The following KCNMA1 variants were observed in gnomAD, a reference collection of about 807,000 sequenced individuals.
The protein encoded by KCNMA1 is Calcium-activated potassium channel subunit alpha-1.
A neutral mutation model predicts 140.0 loss-of-function variants in KCNMA1; 29 were observed. The observed-to-expected ratio is 0.21, with a 90% CI of 0.15 to 0.28. KCNMA1 has a LOEUF of 0.28. Among genes scored for constraint, KCNMA1 ranks in the 10% least tolerant of loss-of-function variants. The pLI is 1.00. For missense variants in KCNMA1, 880 were observed against 1,602.2 expected, an observed-to-expected ratio of 0.55 and a Z score of 7.70; for synonymous variants, 612 against 611.9, an observed-to-expected ratio of 1.00 and a Z score of 0.00.
intron 20 of KCNMA1, among the ~76,000 whole-genome samples, chr10:76,956,931 G>A (rs1341283182): frequency 6.6e-6 from 1 of 151,816 alleles, no homozygotes; most frequent in Non-Finnish European, 1.5e-5. Context: ...GTCCATCCTG[G>A]CTAACACGGT....
intron 27 of KCNMA1, chr10:76,887,980 G>A: frequency 5.8e-6 from 1 of 171,636 alleles, no homozygotes; most frequent in South Asian, 1.4e-4. Flanking sequence ...CTACTTTGGT[G>A]AGAGAATTTG....
chr10:77,343,223 A>G (rs897879440), intron 2 of KCNMA1, among the ~76,000 whole-genome samples: 8 of 152,170 alleles, frequency 5.3e-5, no homozygotes, highest in African/African-American at 2.4e-5. Flanking sequence ...ACTGTTGACA[A>G]TGGTAATACC....
Position 77,457,329 on chromosome 10 carries a change from G to A in KCNMA1, c.379-53306C>T, listed in dbSNP as rs567373576. ...CAGGGTGGGGGCAGGCAGAAACCAG[G>A]ACATTTCTCCCTCCTTCTGCATTTG... On this transcript the variant is annotated intron_variant, in intron 1 of 27. Coordinates refer to ENST00000286628, the MANE Select transcript of KCNMA1 (RefSeq NM_001161352.2). 5.9e-5 allele frequency among the ~76,000 whole-genome samples: 9 copies of A among 152,244 alleles called. No homozygotes were observed. The South Asian group carries it at 1.9e-3, about 32-fold the overall frequency.
At chr10:77,516,941 T>A (rs901498738) in intron 1 of KCNMA1, among the ~76,000 whole-genome samples, 2 of 146,412 alleles carry the variant, frequency 1.4e-5, no homozygotes, top group Non-Finnish European at 3.0e-5. Flanking sequence ...TGTCTGTGGA[T>A]GAGGGAGGAA....
intron 2 of KCNMA1, among the ~76,000 whole-genome samples, chr10:77,389,309 C>G (rs2095726187): frequency 6.6e-6 from 1 of 152,196 alleles, no homozygotes; most frequent in Non-Finnish European, 1.5e-5. Context: ...AGTAATGTTT[C>G]CTCGATCCTC....
chr10:77,254,570 G>T (rs1334954210), intron 2 of KCNMA1, among the ~76,000 whole-genome samples: 4 of 152,068 alleles, frequency 2.6e-5, no homozygotes, highest in Non-Finnish European at 4.4e-5. Context: ...TTAATCCCAT[G>T]CTATTATGCA....
At chr10:77,034,186 G>A (rs866843541) in intron 15 of KCNMA1, among the ~76,000 whole-genome samples, 4 of 150,256 alleles carry the variant, frequency 2.7e-5, no homozygotes, top group African/African-American at 4.9e-5. Context: ...CAAGGTTGCC[G>A]TGAGCTAAGA....
At chr10:77,118,912 A>G (rs1223044150) in intron 6 of KCNMA1, among the ~76,000 whole-genome samples, 1 of 152,240 alleles carries the variant, frequency 6.6e-6, no homozygotes, top group Non-Finnish European at 1.5e-5. Context: ...GGTTATGACC[A>G]TAAGTGAAAG....
At chr10:77,549,506 G>A (rs1393015635) in intron 1 of KCNMA1, among the ~76,000 whole-genome samples, 2 of 152,192 alleles carry the variant, frequency 1.3e-5, no homozygotes, top group African/African-American at 4.8e-5. Context: ...AACTCTCCTA[G>A]CAGGGGATTT....
chr10:77,559,393 C>T (rs1393624456), intron 1 of KCNMA1, among the ~76,000 whole-genome samples: 5 of 152,188 alleles, frequency 3.3e-5, no homozygotes. Context: ...AGGACTCTGT[C>T]GGTGCCCAGG....
chr10:77,501,711 T>C (rs562615521), intron 1 of KCNMA1, among the ~76,000 whole-genome samples: 9 of 152,168 alleles, frequency 5.9e-5, no homozygotes, highest in Non-Finnish European at 1.3e-4. Flanking sequence ...AGCGGACTCC[T>C]GGGCAAGTTC....
chr10:77,437,643 C>T (rs971545392), intron 1 of KCNMA1, among the ~76,000 whole-genome samples: 1 of 152,166 alleles, frequency 6.6e-6, no homozygotes, highest in African/African-American at 2.4e-5. Context: ...GAGCCACAAC[C>T]AAGACCCATT....
At chr10:77,192,095 T>C (rs2098943239) in intron 3 of KCNMA1, among the ~76,000 whole-genome samples, 2 of 152,158 alleles carry the variant, frequency 1.3e-5, no homozygotes, top group Admixed American at 1.3e-4. Flanking sequence ...GAAACAATGA[T>C]AGCAGTTGAC....
At chr10:77,435,895 G>A (rs1310715620) in intron 1 of KCNMA1, among the ~76,000 whole-genome samples, 3 of 152,170 alleles carry the variant, frequency 2.0e-5, no homozygotes, top group African/African-American at 7.2e-5. Flanking sequence ...AGAGCTCAGA[G>A]GTCTTCATTT....
At chr10:76,914,275 G>A in intron 24 of KCNMA1, 1 of 661,968 alleles carries the variant, frequency 1.5e-6, no homozygotes, top group Non-Finnish European at 2.7e-6. Context: ...TTTGTCTTGG[G>A]GGAAGAGGCC....
At chr10:77,613,926 C>T (rs2088170087) in intron 1 of KCNMA1, among the ~76,000 whole-genome samples, 2 of 152,208 alleles carry the variant, frequency 1.3e-5, no homozygotes, top group South Asian at 4.1e-4. Context: ...ACAGAGCTCA[C>T]AAAATACCCT....
intron 2 of KCNMA1, among the ~76,000 whole-genome samples, chr10:77,321,276 T>A (rs1012500921): frequency 3.3e-5 from 5 of 152,122 alleles, no homozygotes; most frequent in Admixed American, 1.3e-4. Context: ...ATGTGCCAAA[T>A]AAATCCCCTA....
rs973739483 is a variant in KCNMA1 at position 77,008,186 on chromosome 10, A to G, written c.2092+3781T>C. On this transcript the variant is annotated intron_variant, in intron 18 of 27. Transcript: ENST00000286628. ...CTGCTGGGAACCCGTTTTACTCACA[A>G]TATATCACTACCAGTGTGCAGTTAA... 1.8e-4 allele frequency: 270 copies of G among 1,535,082 alleles called. No homozygotes were observed. Among genetic ancestry groups the G allele is most frequent in the Non-Finnish European group, 2.2e-4 (247 of 1,146,586 alleles).
chr10:77,347,174 C>A (rs536696490), intron 2 of KCNMA1, among the ~76,000 whole-genome samples: 1 of 152,290 alleles, frequency 6.6e-6, no homozygotes, highest in Admixed American at 6.5e-5. Flanking sequence ...CACCCTAGCA[C>A]AGAGCCTGAT....
Sources: allele counts gnomAD v4.1 joint callset (sites outside exome capture counted in the v4.1 genomes callset), GRCh38; gene constraint gnomAD v4.1.1; transcripts MANE v1.5; gene names NCBI Gene and HGNC (gene_info 2026-07-23, HGNC 2026-07-21).